Variants in WNT7A observed in about 807,000 individuals in gnomAD.
WNT7A encodes Wnt family member 7A, also known as protein Wnt-7a.
Under a neutral mutation model 28.2 loss-of-function variants are expected in WNT7A, and 16 were observed. That is an observed-to-expected ratio of 0.57 (90% CI 0.38 to 0.86). WNT7A has a LOEUF of 0.86. Among genes scored for constraint, WNT7A ranks in the 40% least tolerant of loss-of-function variants. The pLI is 0.00. For synonymous variants in WNT7A, 190 were observed against 195.9 expected, an observed-to-expected ratio of 0.97 and a Z score of 0.25; for missense variants, 411 against 489.7, an observed-to-expected ratio of 0.84 and a Z score of 1.52.
chr3:13,833,035 A>G (rs1694306302), intron 3 of WNT7A, among the ~76,000 whole-genome samples: 1 of 151,972 alleles, frequency 6.6e-6, no homozygotes, highest in African/African-American at 2.4e-5. Flanking sequence ...CTGTGGACAC[A>G]CAGCCCCTCA....
intron 3 of WNT7A, among the ~76,000 whole-genome samples, chr3:13,853,327 A>T (rs968968284): frequency 5.1e-4 from 78 of 152,214 alleles, no homozygotes; most frequent in African/African-American, 1.8e-3. Context: ...GGGAGAGGAC[A>T]TCATGGCTGA....
intron 3 of WNT7A, among the ~76,000 whole-genome samples, chr3:13,851,231 C>A (rs1352045792): frequency 6.6e-6 from 1 of 152,218 alleles, no homozygotes; most frequent in Admixed American, 6.5e-5. Context: ...ACTGCCCCAC[C>A]AAAGCCTCTT....
At chr3:13,846,074 C>T (rs759959185) in intron 3 of WNT7A, among the ~76,000 whole-genome samples, 9 of 152,220 alleles carry the variant, frequency 5.9e-5, no homozygotes, top group African/African-American at 1.9e-4. Flanking sequence ...CACTCACAAC[C>T]GGGTTCCTCC....
chr3:13,848,928 C>A (rs931669618), intron 3 of WNT7A, among the ~76,000 whole-genome samples: 1 of 152,184 alleles, frequency 6.6e-6, no homozygotes, highest in African/African-American at 2.4e-5. Flanking sequence ...AAGGAACCGG[C>A]TACTGATACA....
intron 3 of WNT7A, among the ~76,000 whole-genome samples, chr3:13,849,130 A>G (rs1694588784): frequency 6.6e-6 from 1 of 152,186 alleles, no homozygotes; most frequent in Non-Finnish European, 1.5e-5. Context: ...CAACCTGGGG[A>G]CCATTGTGTG....
intron 3 of WNT7A, among the ~76,000 whole-genome samples, chr3:13,830,856 G>T (rs758969308): frequency 8.5e-5 from 13 of 152,102 alleles, no homozygotes; most frequent in African/African-American, 1.4e-4. Flanking sequence ...ACTTGCCTCT[G>T]TCACCCCTGA....
chr3:13,831,933 A>G (rs1694284608), intron 3 of WNT7A, among the ~76,000 whole-genome samples: 1 of 151,968 alleles, frequency 6.6e-6, no homozygotes. Context: ...GACCCTTTCC[A>G]AGGCACTGAA....
chr3:13,857,694 C>T (rs894314979), intron 2 of WNT7A, among the ~76,000 whole-genome samples: 3 of 152,022 alleles, frequency 2.0e-5, no homozygotes, highest in African/African-American at 4.8e-5. Flanking sequence ...AGCTCACACT[C>T]GAGAGTATCA....
Position 13,819,188 on chromosome 3 carries a change from A to C in WNT7A, c.806T>G (p.Val269Gly). The change falls in exon 4 of 4, where the codon GTG becomes GGG. Residue 269 changes from valine to glycine, a missense_variant. Val to Gly is a moderately radical substitution (Grantham distance 109). Transcript: ENST00000285018. ...SYRKPMDTDL[V>G]YIEKSPNYCE... ...GTAGTTGGGCGACTTCTCGATGTAC[A>C]CCAGGTCCGTGTCCATGGGCTTGCG... 1 of 1,614,194 alleles carries C rather than the reference A, an allele frequency of 6.2e-7. No homozygotes were observed. The highest frequency in any genetic ancestry group is 8.5e-7 in the Non-Finnish European group (1 of 1,180,040).
Position 13,818,942 on chromosome 3 carries a change from G to T in WNT7A, c.*2C>A, listed in dbSNP as rs1281201855. The T allele has an allele frequency of 1.3e-6, 2 of 1,564,994 alleles. No homozygotes were observed. Among genetic ancestry groups the T allele is most frequent in the Non-Finnish European group, 1.7e-6 (2 of 1,149,466 alleles). On this transcript the variant is annotated 3_prime_UTR_variant, in exon 4 of 4. Coordinates refer to ENST00000285018, the MANE Select transcript of WNT7A (RefSeq NM_004625.4). Reference sequence around the variant, plus strand: ...AGCGGGAGGGTGGTGTGCACACGGGGCTCACTTGCACGTGTACATCTCCGT... The same window carrying T: ...AGCGGGAGGGTGGTGTGCACACGGGTCTCACTTGCACGTGTACATCTCCGT...
intron 3 of WNT7A, among the ~76,000 whole-genome samples, chr3:13,820,169 C>G (rs974308731): frequency 2.0e-5 from 3 of 152,178 alleles, no homozygotes; most frequent in Non-Finnish European, 4.4e-5. Flanking sequence ...TGTACAGGCA[C>G]AGAGATGGGG....
intron 3 of WNT7A, among the ~76,000 whole-genome samples, chr3:13,840,336 TTTG>T: frequency 6.6e-6 from 1 of 152,226 alleles, no homozygotes; most frequent in Non-Finnish European, 1.5e-5. Flanking sequence ...CTATTATTTG[TTTG>T]TTGTCTCCCT....
rs183119488 is a variant in WNT7A at position 13,822,315 on chromosome 3, A to C, written c.571-2892T>G. Among the ~76,000 whole-genome samples the C allele has an allele frequency of 1.9e-3, 285 of 152,380 alleles. 6 individuals are homozygous for C. Among genetic ancestry groups the C allele is most frequent in the Non-Finnish European group, 1.5e-3 (101 of 68,038 alleles). On this transcript the variant is annotated intron_variant, in intron 3 of 3. Coordinates refer to ENST00000285018, the MANE Select transcript of WNT7A (RefSeq NM_004625.4). Reference sequence around the variant, plus strand: ...CATTATTCATAACAGCCAAAAAGTGAGCGGAATAACTCCCTCAACTATTAA... The same window carrying C: ...CATTATTCATAACAGCCAAAAAGTGCGCGGAATAACTCCCTCAACTATTAA...
chr3:13,852,700 G>A lies in WNT7A; in HGVS notation c.570+1832C>T, dbSNP rs80336558. Among the ~76,000 whole-genome samples the A allele has an allele frequency of 4.9e-3, 739 of 152,236 alleles. 6 individuals are homozygous for A. The highest frequency in any genetic ancestry group is 0.017 in the African/African-American group (702 of 41,538). The stretch of plus-strand genomic sequence containing the variant: ...CTGGAAGACCACCTCACCGTGCTCT[G>A]GCTGAGTGGTGTGTGTGGTCACTGA... On this transcript the variant is annotated intron_variant, in intron 3 of 3. Transcript: ENST00000285018.
chr3:13,880,020 G>C lies in WNT7A; in HGVS notation c.-204C>G, dbSNP rs1695186767. 5.3e-6 allele frequency: 2 copies of C among 375,908 alleles called. No homozygotes were observed. The highest frequency in any genetic ancestry group is 9.4e-5 in the Admixed American group (2 of 21,368). 23.3% of individuals were successfully genotyped at this position (375,908 alleles called of 1,614,324 possible). A position where few individuals can be genotyped will look rare whatever the true frequency, so the allele number is the denominator to read the frequency against. Reference sequence around the variant, plus strand: ...GGAGCGGGAGGAGGGAGGGAGGAGCGAGCGCGGCGTGGGGCGACGCCGGGC... The same window carrying C: ...GGAGCGGGAGGAGGGAGGGAGGAGCCAGCGCGGCGTGGGGCGACGCCGGGC... On this transcript the variant is annotated 5_prime_UTR_variant, in exon 1 of 4. Coordinates refer to ENST00000285018, the MANE Select transcript of WNT7A (RefSeq NM_004625.4).
intron 3 of WNT7A, among the ~76,000 whole-genome samples, chr3:13,825,036 T>G (rs1694172227): frequency 6.6e-6 from 1 of 152,168 alleles, no homozygotes; most frequent in African/African-American, 2.4e-5. Flanking sequence ...GTAGAAAGGC[T>G]TGCAGCTTGG....
At chr3:13,865,185 C>A (rs1187200626) in intron 2 of WNT7A, among the ~76,000 whole-genome samples, 1 of 152,218 alleles carries the variant, frequency 6.6e-6, no homozygotes, top group African/African-American at 2.4e-5. Flanking sequence ...TGAGTCAGCT[C>A]AAGCTGCTGT....
intron 2 of WNT7A, among the ~76,000 whole-genome samples, chr3:13,856,896 G>GAAGAAGAAGAAGAAGAAGAAGAAA (rs1559303202): frequency 0.028 from 906 of 32,564 alleles, 5 homozygotes; most frequent in Middle Eastern, 0.086. Context: ...AGAAGAAAAA[G>GAAGAAGAAGAAGAAGAAGAAGAAA]AAGAAGAAGA....
chr3:13,862,763 A>G (rs1020087760), intron 2 of WNT7A, among the ~76,000 whole-genome samples: 1 of 152,192 alleles, frequency 6.6e-6, no homozygotes, highest in Admixed American at 6.5e-5. Context: ...TCTCCATCCA[A>G]GGGTCTCTCT....
Sources: gnomAD v4.1 joint callset for allele counts (sites outside exome capture counted in the v4.1 genomes callset) on GRCh38, gnomAD v4.1.1 for gene constraint, MANE v1.5 for transcripts, NCBI Gene and HGNC (gene_info 2026-07-23, HGNC 2026-07-21) for gene names.